The following CD1B variants were observed in gnomAD, a reference collection of about 807,000 sequenced individuals.
CD1B encodes CD1b molecule.
CD1B carries 43 observed loss-of-function variants against 39.8 expected under a neutral mutation model. That is an observed-to-expected ratio of 1.08 (90% confidence interval 0.85 to 1.39). CD1B has a LOEUF of 1.39. Among genes scored for constraint, CD1B ranks in the 40% most tolerant of loss-of-function variants. The pLI is 0.00. For synonymous variants in CD1B, 192 were observed against 152.5 expected (o/e 1.26, Z -1.91); for missense variants, 495 against 403.8 (o/e 1.23, Z -1.94).
the CD1B span, among the ~76,000 whole-genome samples, chr1:158,287,321 GGAGAGACA>G: frequency 2.0e-5 from 3 of 152,168 alleles, no homozygotes; most frequent in African/African-American, 7.2e-5. Flanking sequence ...AGAGCGACAG[GGAGAGACA>G]GAGAGACAGA....
chr1:158,307,351 C>T, the CD1B span, among the ~76,000 whole-genome samples: 1,753 of 152,136 alleles, frequency 0.012, 33 homozygotes, highest in African/African-American at 0.04. Flanking sequence ...GGATAAATTC[C>T]TCGACACGTA....
At chr1:158,324,809 C>T (rs767325425), downstream of CD1B, among the ~76,000 whole-genome samples, 1 of 152,024 alleles carries the variant, frequency 6.6e-6, no homozygotes, top group Admixed American at 6.5e-5. Flanking sequence ...CCTTGAGCAA[C>T]TTTGCCACAT....
chr1:158,301,428 G>A, the CD1B span, among the ~76,000 whole-genome samples: 3 of 152,138 alleles, frequency 2.0e-5, no homozygotes, highest in Non-Finnish European at 2.9e-5. Flanking sequence ...TCTGGTACTG[G>A]TTGTTTCTTT....
At chr1:158,301,522 G>A in the CD1B span, among the ~76,000 whole-genome samples, 4 of 151,950 alleles carry the variant, frequency 2.6e-5, no homozygotes, top group African/African-American at 9.7e-5. Context: ...GTCTGTAAAG[G>A]ATTTTATTTC....
chr1:158,302,877 T>A, the CD1B span, among the ~76,000 whole-genome samples: 3 of 152,274 alleles, frequency 2.0e-5, no homozygotes, highest in African/African-American at 7.2e-5. Flanking sequence ...TGGTATCAAT[T>A]CTTTGAAAAC....
At chr1:158,290,509 A>T in the CD1B span, among the ~76,000 whole-genome samples, 1 of 152,182 alleles carries the variant, frequency 6.6e-6, no homozygotes. Context: ...GAAGGGAAGT[A>T]GATAAGATGG....
chr1:158,292,479 G>C, the CD1B span: 1 of 1,489,540 alleles, frequency 6.7e-7, no homozygotes, highest in African/African-American at 1.4e-5. Flanking sequence ...GGGTTGCTGG[G>C]TAATAGTTTC....
At chr1:158,290,963 C>T in the CD1B span, among the ~76,000 whole-genome samples, 6 of 152,162 alleles carry the variant, frequency 3.9e-5, no homozygotes, top group East Asian at 1.2e-3. Flanking sequence ...CCAGTTTACT[C>T]TTTTAGAGGA....
the CD1B span, among the ~76,000 whole-genome samples, chr1:158,303,712 C>T: frequency 1.3e-5 from 2 of 151,822 alleles, no homozygotes; most frequent in Non-Finnish European, 2.9e-5. Flanking sequence ...ATATAGCTAA[C>T]CAAGAAAGTG....
the CD1B span, among the ~76,000 whole-genome samples, chr1:158,306,368 A>T: frequency 6.6e-6 from 1 of 152,218 alleles, no homozygotes; most frequent in Non-Finnish European, 1.5e-5. Context: ...TCAATTCAGC[A>T]AGAAGAGCTA....
downstream of CD1B, among the ~76,000 whole-genome samples, chr1:158,326,008 T>G (rs1347928077): frequency 2.0e-5 from 3 of 152,176 alleles, no homozygotes; most frequent in African/African-American, 7.2e-5. Context: ...CTTGCTCTGT[T>G]GCCCAAGCTG....
chr1:158,293,733 G>T, the CD1B span: 1 of 749,408 alleles, frequency 1.3e-6, no homozygotes, highest in Non-Finnish European at 2.2e-6. Context: ...ACTGAACCCA[G>T]AGAGCCCCTC....
intron 1 of CD1B, 79 bp from the exon 2 acceptor site, chr1:158,331,141 AT>A: frequency 7.0e-7 from 1 of 1,421,586 alleles, no homozygotes; most frequent in Non-Finnish European, 9.6e-7. Flanking sequence ...AATGAAAATG[AT>A]TTAGAAAACA....
At chr1:158,293,239 C>A in the CD1B span, 3 of 1,613,988 alleles carry the variant, frequency 1.9e-6, no homozygotes, top group Admixed American at 1.7e-5. Context: ...AATTGGATTG[C>A]CTTGGTAGTG....
At chr1:158,315,084 C>T in the CD1B span, among the ~76,000 whole-genome samples, 1 of 150,916 alleles carries the variant, frequency 6.6e-6, no homozygotes, top group African/African-American at 2.5e-5. Context: ...GGTTCCAAGT[C>T]TTTGCTATTG....
chr1:158,322,846 T>C, the CD1B span, among the ~76,000 whole-genome samples: 1 of 152,224 alleles, frequency 6.6e-6, no homozygotes, highest in Non-Finnish European at 1.5e-5. Context: ...CTGCAAGGTT[T>C]CTGCTGAAAA....
chr1:158,307,938 C>T, the CD1B span, among the ~76,000 whole-genome samples: 1 of 152,110 alleles, frequency 6.6e-6, no homozygotes, highest in Non-Finnish European at 1.5e-5. Flanking sequence ...ACAGGGATGC[C>T]CTCTCTCACC....
At chr1:158,318,374 T>C in the CD1B span, among the ~76,000 whole-genome samples, 5 of 152,236 alleles carry the variant, frequency 3.3e-5, no homozygotes, top group Non-Finnish European at 5.9e-5. Flanking sequence ...ATATTTAGGA[T>C]AGTTAACTCT....
chr1:158,286,018 ATCTC>A, the CD1B span, among the ~76,000 whole-genome samples: 1 of 151,250 alleles, frequency 6.6e-6, no homozygotes, highest in Non-Finnish European at 1.5e-5. Context: ...TTCTGAGGAA[ATCTC>A]TCTCTCTCTC....
Sources: gnomAD v4.1 joint callset for allele counts (sites outside exome capture counted in the v4.1 genomes callset) on GRCh38, gnomAD v4.1.1 for gene constraint, MANE v1.5 for transcripts, NCBI Gene and HGNC (gene_info 2026-07-23, HGNC 2026-07-21) for gene names.